CCDC150: variants seen among roughly 807,000 people sequenced by gnomAD.
CCDC150 encodes the protein coiled-coil domain containing 150.
A neutral mutation model predicts 156.5 loss-of-function variants in CCDC150; 151 were observed. The observed-to-expected ratio is 0.97, with a 90% CI of 0.85 to 1.10. The LOEUF is 1.10. Ranked by LOEUF, CCDC150 falls within the 50% of genes least tolerant of loss-of-function variation. The probability of loss-of-function intolerance (pLI) is 0.00; values close to 1 mark genes in which losing one functional copy is unlikely to be tolerated. For missense variants in CCDC150, 1,312 were observed against 1,268.1 expected (o/e 1.03, Z -0.53); for synonymous variants, 452 against 429.4 (o/e 1.05, Z -0.65).
chr2:196,674,017 G>A (rs1044026380), intron 9 of CCDC150, among the ~76,000 whole-genome samples: 3 of 152,180 alleles, frequency 2.0e-5, no homozygotes, highest in Admixed American at 2.0e-4. Context: ...TGCTTCAGTT[G>A]CTCTACCAAA....
intron 20 of CCDC150, 117 bp downstream of exon 20, chr2:196,720,785 GAGT>G (rs1371071704): frequency 1.6e-5 from 15 of 916,636 alleles, no homozygotes; most frequent in Non-Finnish European, 2.3e-5. Flanking sequence ...AATCAAGTCT[GAGT>G]TTTGGACAGT....
chr2:196,726,342 G>A, intron 22 of CCDC150: 1 of 383,284 alleles, frequency 2.6e-6, no homozygotes, highest in Non-Finnish European at 4.9e-6. Context: ...AAGCAAGAGG[G>A]ATAGAGGAAT....
intron 15 of CCDC150, among the ~76,000 whole-genome samples, chr2:196,710,861 C>T (rs541020210): frequency 3.7e-4 from 56 of 149,886 alleles, no homozygotes; most frequent in Admixed American, 1.5e-3. Flanking sequence ...TCAATTTTAA[C>T]GGTAGTTTTT....
In CCDC150 at chr2:196,730,010, G is replaced by A. The variant is rs1698441037; in HGVS notation, c.2874G>A (p.Met958Ile). The A allele has an allele frequency of 9.3e-6, 15 of 1,613,788 alleles. No individual in the cohort carries two copies. Among genetic ancestry groups the A allele is most frequent in the Non-Finnish European group, 1.3e-5 (15 of 1,179,816 alleles). Residue 958 changes from methionine to isoleucine, a missense_variant, in exon 25 of 28, where the codon ATG becomes ATA. Physicochemically the swap from Met to Ile is conservative, Grantham distance 10. Transcript: ENST00000389175. ...VCEMTNLQKE[M>I]QMLAKSQYDA... ...AAATGACTAACCTGCAGAAAGAGAT[G>A]CAGATGTTGGCTAAGAGCCAATATG...
intron 22 of CCDC150, among the ~76,000 whole-genome samples, chr2:196,728,953 A>G (rs1698370226): frequency 6.6e-6 from 1 of 152,210 alleles, no homozygotes. Flanking sequence ...CTTAAAATGC[A>G]AATGATGAAT....
chr2:196,729,967 T>G lies in CCDC150; in HGVS notation c.2831T>G (p.Ile944Ser). 5 of 1,612,386 alleles carry G rather than the reference T, an allele frequency of 3.1e-6. No individual in the cohort carries two copies. In the South Asian group the frequency reaches 5.5e-5, roughly 18 times the overall value. ...TTTGTATCCTTCCAGTCTTTGAGTA[T>G]CCAGAGATTTGTGTGTGAAATGACT... Reference protein sequence around the residue: ...QKKNYEQSLSIQRFVCEMTNL... With the variant: ...QKKNYEQSLSSQRFVCEMTNL... The change falls in exon 25 of 28, where the codon ATC becomes AGC. Residue 944 changes from isoleucine to serine, a missense_variant. By Grantham distance (142) the Ile-to-Ser change is moderately radical (BLOSUM62 -2). Coordinates refer to ENST00000389175, the MANE Select transcript of CCDC150 (RefSeq NM_001080539.2).
intron 9 of CCDC150, among the ~76,000 whole-genome samples, chr2:196,673,684 TA>T (rs1694336075): frequency 6.6e-6 from 1 of 152,186 alleles, no homozygotes; most frequent in Admixed American, 6.5e-5. Flanking sequence ...TTTCTCTCAA[TA>T]ATACAAATTT....
intron 13 of CCDC150, among the ~76,000 whole-genome samples, chr2:196,682,202 T>C (rs2125627422): frequency 6.6e-6 from 1 of 152,222 alleles, no homozygotes; most frequent in African/African-American, 2.4e-5. Flanking sequence ...GTACTGTTCG[T>C]TGAAAAGATC....
intron 2 of CCDC150, among the ~76,000 whole-genome samples, chr2:196,652,472 A>T (rs1337832167): frequency 6.6e-6 from 1 of 152,258 alleles, no homozygotes. Flanking sequence ...TCTCTGTCCC[A>T]TATCCTGGGC....
At position 196,677,283 on chromosome 2, in the gene CCDC150, C is replaced by T. The variant is rs370859251; in HGVS notation, c.1441-10C>T. ...ACCTATTCCTTTTTTTTCCCATCCT[C>T]CTTGGGCAGGTTAATAAAACAGAAA... On this transcript the variant is annotated splice_polypyrimidine_tract_variant and intron_variant, in intron 12 of 27. Coordinates refer to ENST00000389175, the MANE Select transcript of CCDC150 (RefSeq NM_001080539.2). The T allele has an allele frequency of 2.1e-5, 33 of 1,558,332 alleles. No homozygotes were observed. The African/African-American group carries it at 3.1e-4, about 15-fold the overall frequency.
chr2:196,714,819 C>T (rs1038416706), intron 17 of CCDC150, among the ~76,000 whole-genome samples: 2 of 152,110 alleles, frequency 1.3e-5, no homozygotes, highest in Non-Finnish European at 2.9e-5. Context: ...CTGATATATA[C>T]ATACACTTAA....
At chr2:196,717,682 A>T (rs192371494) in intron 17 of CCDC150, among the ~76,000 whole-genome samples, 6 of 152,290 alleles carry the variant, frequency 3.9e-5, no homozygotes, top group Admixed American at 3.3e-4. Context: ...ACCTGAGGTT[A>T]GGAGTTCGAG....
intron 15 of CCDC150, among the ~76,000 whole-genome samples, chr2:196,703,353 A>G (rs1036696582): frequency 1.3e-5 from 2 of 152,192 alleles, no homozygotes; most frequent in African/African-American, 2.4e-5. Flanking sequence ...AAAAAGAACT[A>G]CAATAAAAAG....
chr2:196,702,571 A>G (rs1017060115), intron 15 of CCDC150, among the ~76,000 whole-genome samples: 5 of 151,844 alleles, frequency 3.3e-5, no homozygotes, highest in African/African-American at 1.2e-4. Flanking sequence ...GGGTTTCTCC[A>G]TGTAGCCCAG....
intron 11 of CCDC150, 25 bp from the exon 12 acceptor site, chr2:196,676,529 A>G (rs747195645): frequency 1.1e-5 from 18 of 1,571,762 alleles, no homozygotes; most frequent in Middle Eastern, 1.7e-4. Flanking sequence ...TTTAGCTTTC[A>G]TATGTTCTTG....
intron 2 of CCDC150, 98 bp from the exon 3 acceptor site, chr2:196,656,535 T>G: frequency 2.4e-6 from 2 of 822,316 alleles, no homozygotes; most frequent in Non-Finnish European, 3.9e-6. Context: ...ACTCTCCAAT[T>G]ATTATTCTTA....
At chr2:196,715,180 C>T (rs894041947) in intron 17 of CCDC150, among the ~76,000 whole-genome samples, 3 of 152,050 alleles carry the variant, frequency 2.0e-5, no homozygotes, top group Non-Finnish European at 4.4e-5. Context: ...CTGGCTTGTA[C>T]ACATGACATG....
intron 1 of CCDC150, among the ~76,000 whole-genome samples, chr2:196,640,250 T>G (rs184642830): frequency 6.6e-6 from 1 of 152,316 alleles, no homozygotes; most frequent in East Asian, 1.9e-4. Flanking sequence ...TGTCGAAGTA[T>G]TCTCCTGTTT....
At chr2:196,658,746 C>G in intron 4 of CCDC150, 46 bp from the exon 5 acceptor site, 1 of 1,412,832 alleles carries the variant, frequency 7.1e-7, no homozygotes, top group Non-Finnish European at 9.8e-7. Flanking sequence ...ACAATTTCTT[C>G]CTGTCATTTC....
Sources: allele counts gnomAD v4.1 joint callset (sites outside exome capture counted in the v4.1 genomes callset), GRCh38; gene constraint gnomAD v4.1.1; transcripts MANE v1.5; gene names NCBI Gene and HGNC (gene_info 2026-07-23, HGNC 2026-07-21).